The following EYA2 variants were observed in gnomAD, a reference collection of about 807,000 sequenced individuals.
EYA2 encodes protein phosphatase EYA2.
A neutral mutation model predicts 69.2 loss-of-function variants in EYA2; 31 were observed. The observed-to-expected ratio is 0.45, with a 90% CI of 0.34 to 0.60. The LOEUF (loss-of-function observed/expected upper bound fraction) is 0.60, where lower values mean the gene tolerates loss of function less well. Among genes scored for constraint, EYA2 ranks in the 20% least tolerant of loss-of-function variants. The pLI is 0.02. For synonymous variants in EYA2, 257 were observed against 279.4 expected, an observed-to-expected ratio of 0.92 and a Z score of 0.80; for missense variants, 622 against 701.2, an observed-to-expected ratio of 0.89 and a Z score of 1.28.
At chr20:47,052,208 G>T (rs139161360) in intron 5 of EYA2, among the ~76,000 whole-genome samples, 1 of 152,146 alleles carries the variant, frequency 6.6e-6, no homozygotes, top group Non-Finnish European at 1.5e-5. Flanking sequence ...TTTCAGAGGC[G>T]TGCTACTAAA....
chr20:46,905,493 C>G (rs1344020217), intron 1 of EYA2, among the ~76,000 whole-genome samples: 1 of 152,206 alleles, frequency 6.6e-6, no homozygotes, highest in Non-Finnish European at 1.5e-5. Context: ...CCATTGAGAA[C>G]CAGTAGATTT....
intron 1 of EYA2, among the ~76,000 whole-genome samples, chr20:46,957,668 C>T (rs1033240578): frequency 1.3e-5 from 2 of 152,080 alleles, no homozygotes; most frequent in African/African-American, 4.8e-5. Context: ...TGCTGGTGGA[C>T]ACCAGAGGCT....
At chr20:47,143,447 TA>T (rs1916843112) in intron 10 of EYA2, among the ~76,000 whole-genome samples, 1 of 152,182 alleles carries the variant, frequency 6.6e-6, no homozygotes, top group African/African-American at 2.4e-5. Context: ...AATGGCTATG[TA>T]GTTTCTTCCT....
At chr20:47,017,211 A>G (rs1983464689) in intron 5 of EYA2, among the ~76,000 whole-genome samples, 1 of 152,186 alleles carries the variant, frequency 6.6e-6, no homozygotes, top group South Asian at 2.1e-4. Flanking sequence ...GGTGGCTGTA[A>G]TTATGGGGAT....
At chr20:46,943,960 T>C (rs370971345) in intron 1 of EYA2, among the ~76,000 whole-genome samples, 2 of 152,312 alleles carry the variant, frequency 1.3e-5, no homozygotes, top group East Asian at 3.9e-4. Context: ...AAGATGCCTT[T>C]TCTCTCAAGT....
chr20:46,981,703 A>G (rs1247445200), intron 1 of EYA2, among the ~76,000 whole-genome samples: 1 of 152,178 alleles, frequency 6.6e-6, no homozygotes, highest in Non-Finnish European at 1.5e-5. Flanking sequence ...ATGTCCCTGT[A>G]AATCTCTAAT....
At chr20:47,174,459 A>G (rs2034389732) in intron 12 of EYA2, among the ~76,000 whole-genome samples, 1 of 152,168 alleles carries the variant, frequency 6.6e-6, no homozygotes, top group African/African-American at 2.4e-5. Context: ...CACAGCGGGA[A>G]CTCAATAAAT....
At chr20:47,007,157 C>G (rs1001874126) in intron 4 of EYA2, among the ~76,000 whole-genome samples, 2 of 152,162 alleles carry the variant, frequency 1.3e-5, no homozygotes, top group African/African-American at 4.8e-5. Context: ...GTCTCAAATT[C>G]CTGGCCTCAA....
intron 8 of EYA2, among the ~76,000 whole-genome samples, chr20:47,094,028 C>T (rs568929296): frequency 8.5e-5 from 13 of 152,298 alleles, no homozygotes; most frequent in Admixed American, 4.6e-4. Context: ...GGTCTCTGAC[C>T]CACCCATGGT....
At chr20:47,029,506 A>C (rs778550882) in intron 5 of EYA2, among the ~76,000 whole-genome samples, 15 of 152,222 alleles carry the variant, frequency 9.9e-5, no homozygotes, top group Non-Finnish European at 1.9e-4. Flanking sequence ...CTGCAGGGGA[A>C]GCATGATCAG....
At chr20:46,991,103 T>C (rs1981629058) in intron 2 of EYA2, among the ~76,000 whole-genome samples, 1 of 152,250 alleles carries the variant, frequency 6.6e-6, no homozygotes, top group Non-Finnish European at 1.5e-5. Flanking sequence ...CCTGGCACTT[T>C]GGACCATTCG....
At chr20:47,175,739 C>T (rs2034414160) in intron 12 of EYA2, among the ~76,000 whole-genome samples, 1 of 152,158 alleles carries the variant, frequency 6.6e-6, no homozygotes, top group Non-Finnish European at 1.5e-5. Context: ...CTACACAAGA[C>T]AGCACGTTGG....
At chr20:46,950,727 A>G (rs1978743744) in intron 1 of EYA2, among the ~76,000 whole-genome samples, 1 of 152,214 alleles carries the variant, frequency 6.6e-6, no homozygotes, top group African/African-American at 2.4e-5. Context: ...CAGAGGCCCC[A>G]GCGAGCAGGC....
At chr20:46,972,727 C>A (rs761533054) in intron 1 of EYA2, among the ~76,000 whole-genome samples, 1 of 152,058 alleles carries the variant, frequency 6.6e-6, no homozygotes, top group Non-Finnish European at 1.5e-5. Context: ...GTGGCAGAGC[C>A]AGGATTTGAA....
At chr20:47,060,433 T>C (rs543560725) in intron 5 of EYA2, among the ~76,000 whole-genome samples, 7 of 152,186 alleles carry the variant, frequency 4.6e-5, no homozygotes, top group African/African-American at 1.7e-4. Flanking sequence ...AACAAAAGAA[T>C]AGTCTTTCCC....
At chr20:47,047,721 C>T (rs967575835) in intron 5 of EYA2, among the ~76,000 whole-genome samples, 5 of 150,914 alleles carry the variant, frequency 3.3e-5, no homozygotes, top group Non-Finnish European at 7.4e-5. Context: ...AGGATATTGT[C>T]TTGTGTCCCA....
At chr20:47,094,330 C>T (rs1408119097) in intron 8 of EYA2, among the ~76,000 whole-genome samples, 1 of 152,184 alleles carries the variant, frequency 6.6e-6, no homozygotes, top group Admixed American at 6.5e-5. Context: ...TCAGAAGGTC[C>T]TTCTCAAACA....
At chr20:46,921,130 G>T (rs1324237458) in intron 1 of EYA2, among the ~76,000 whole-genome samples, 1 of 152,200 alleles carries the variant, frequency 6.6e-6, no homozygotes, top group African/African-American at 2.4e-5. Context: ...ACCTCCGCTG[G>T]CTCTTAGTAG....
rs1445006621 is a variant in EYA2, at chr20:46,969,509, A to C, written c.-10-20492A>C. Among the ~76,000 whole-genome samples the C allele has an allele frequency of 2.0e-5, 3 of 152,034 alleles. No individual in the cohort carries two copies. The East Asian group carries it at 5.8e-4, about 29-fold the overall frequency. ...TTTATAGATTTCTCTTGTTTCTTTCATTCTTCCCTGCCTTCCTCTGTCTTT... is the reference window on the plus strand; with the variant it reads ...TTTATAGATTTCTCTTGTTTCTTTCCTTCTTCCCTGCCTTCCTCTGTCTTT... On this transcript the variant is annotated intron_variant, in intron 1 of 15. Coordinates refer to ENST00000327619, the MANE Select transcript of EYA2 (RefSeq NM_005244.5).
Sources: gnomAD v4.1 joint callset for allele counts (sites outside exome capture counted in the v4.1 genomes callset) on GRCh38, gnomAD v4.1.1 for gene constraint, MANE v1.5 for transcripts, NCBI Gene and HGNC (gene_info 2026-07-23, HGNC 2026-07-21) for gene names.